Variants in TANC1 observed in about 807,000 individuals in gnomAD.
The protein encoded by TANC1 is protein TANC1.
A neutral mutation model predicts 149.7 loss-of-function variants in TANC1; 77 were observed. That is an observed-to-expected ratio of 0.51 (90% CI 0.43 to 0.62). The LOEUF (loss-of-function observed/expected upper bound fraction) is 0.62. Among genes scored for constraint, TANC1 ranks in the 20% least tolerant of loss-of-function variants. TANC1 has a pLI of 0.00. For synonymous variants in TANC1, 854 were observed against 925.0 expected (o/e 0.92, Z 1.39); for missense variants, 1,985 against 2,321.8 (o/e 0.85, Z 2.98).
intron 13 of TANC1, among the ~76,000 whole-genome samples, chr2:159,176,907 A>ATTTTTTTTT (rs10647127): frequency 4.9e-5 from 5 of 101,982 alleles, no homozygotes; most frequent in East Asian, 6.3e-4. Flanking sequence ...AAGGTGAAAG[A>ATTTTTTTTT]TTTTTTTTTT....
chr2:159,004,592 T>C (rs1051010540), intron 2 of TANC1, among the ~76,000 whole-genome samples: 1 of 152,122 alleles, frequency 6.6e-6, no homozygotes, highest in African/African-American at 2.4e-5. Flanking sequence ...GTTTTTTGTT[T>C]GGGGTATTTT....
At chr2:159,199,337 G>A (rs562241901) in intron 19 of TANC1, among the ~76,000 whole-genome samples, 2 of 152,324 alleles carry the variant, frequency 1.3e-5, no homozygotes, top group African/African-American at 4.8e-5. Context: ...TAACTAAGGT[G>A]TTGTTTTCTG....
chr2:159,186,225 T>G (rs1245333849), intron 15 of TANC1, among the ~76,000 whole-genome samples: 2 of 152,218 alleles, frequency 1.3e-5, no homozygotes, highest in African/African-American at 4.8e-5. Flanking sequence ...TCCTTATTAT[T>G]GATTTGTTCG....
intron 2 of TANC1, among the ~76,000 whole-genome samples, chr2:159,044,895 G>A (rs1458148120): frequency 6.6e-6 from 1 of 152,212 alleles, no homozygotes; most frequent in African/African-American, 2.4e-5. Context: ...TCTGCATTCA[G>A]TTCTCCTGCC....
chr2:159,200,585 A>G lies in TANC1; in HGVS notation c.3244+1532A>G, dbSNP rs567652956. The stretch of plus-strand genomic sequence containing the variant: ...GCTTTGTTTGAGCTCTCTTCTCTCA[A>G]TGACCAGTCCTGAATTGCATTATCA... On this transcript the variant is annotated intron_variant, in intron 19 of 26. Coordinates refer to ENST00000263635, the MANE Select transcript of TANC1 (RefSeq NM_033394.3). Among the ~76,000 whole-genome samples the G allele has an allele frequency of 7.2e-5, 11 of 152,338 alleles. No homozygotes were observed. In the South Asian group the frequency reaches 2.1e-3, roughly 29 times the overall value.
Position 159,185,774 on chromosome 2 carries a change from TG to T in TANC1, c.2511-16del. The T allele has an allele frequency of 6.3e-7, 1 of 1,599,650 alleles. No individual in the cohort carries two copies. The highest frequency in any genetic ancestry group is 8.6e-7 in the Non-Finnish European group (1 of 1,168,252). ...AATGGGCTCTTCTGCTGTGAGCCTT[TG>T]TATTCCTTCCCCTAGGAACGGGCAC... is the stretch of plus-strand genomic sequence containing the variant. On this transcript the variant is annotated splice_polypyrimidine_tract_variant and intron_variant, in intron 14 of 26. Transcript: ENST00000263635.
intron 3 of TANC1, among the ~76,000 whole-genome samples, chr2:159,089,669 C>T (rs894005259): frequency 1.3e-5 from 2 of 152,226 alleles, no homozygotes; most frequent in African/African-American, 2.4e-5. Context: ...CCACCAACAG[C>T]AGAGATGACC....
chr2:159,126,838 G>A (rs867998542), intron 4 of TANC1, among the ~76,000 whole-genome samples: 2 of 152,214 alleles, frequency 1.3e-5, no homozygotes, highest in African/African-American at 2.4e-5. Context: ...AGTCATGTCT[G>A]TGGTTCTCAC....
At chr2:159,058,907 G>A (rs753520247) in intron 2 of TANC1, among the ~76,000 whole-genome samples, 21 of 152,314 alleles carry the variant, frequency 1.4e-4, no homozygotes, top group Non-Finnish European at 2.4e-4. Context: ...TAGGTGGAAG[G>A]TGATTTCACC....
In TANC1 at chr2:159,149,130, T is replaced by C. The variant is rs758373323; in HGVS notation, c.365-12T>C. 4 of 1,567,700 alleles carry C rather than the reference T, an allele frequency of 2.6e-6. No individual in the cohort carries two copies. The South Asian group carries it at 4.8e-5, about 19-fold the overall frequency. On this transcript the variant is annotated splice_polypyrimidine_tract_variant and intron_variant, in intron 5 of 26. Coordinates refer to ENST00000263635, the MANE Select transcript of TANC1 (RefSeq NM_033394.3). The stretch of plus-strand genomic sequence containing the variant: ...AGAGGGGCATCTTCATTGTTTTCTT[T>C]CTTTGTTCCAGAAGCAAAGGCCGAT...
In TANC1 at chr2:158,974,074, C is replaced by A. The variant is rs75956879; in HGVS notation, c.-126+5292C>A. Among the ~76,000 whole-genome samples the A allele has an allele frequency of 3.7e-3, 568 of 152,260 alleles. 6 individuals carry two copies. Among genetic ancestry groups the A allele is most frequent in the African/African-American group, 0.012 (515 of 41,552 alleles). On this transcript the variant is annotated intron_variant, in intron 1 of 26. Transcript: ENST00000263635. ...AGTCTGTGGATGAAACAGTTTGGTT[C>A]TTTCTTCTCCTGTTGTCCTACATAC...
chr2:159,180,618 C>G (rs1346175914), intron 14 of TANC1, among the ~76,000 whole-genome samples: 1 of 152,154 alleles, frequency 6.6e-6, no homozygotes, highest in Non-Finnish European at 1.5e-5. Context: ...AGAGAGGTAC[C>G]AAGGGTGCAG....
intron 4 of TANC1, 145 bp from the exon 5 acceptor site, chr2:159,136,049 T>TGTGC (rs758453978): frequency 7.9e-4 from 72 of 91,582 alleles, no homozygotes; most frequent in African/African-American, 5.5e-3. Flanking sequence ...TGTGTGTGTG[T>TGTGC]GCGCGCGCGC....
intron 2 of TANC1, among the ~76,000 whole-genome samples, chr2:159,016,029 T>C (rs2038233620): frequency 6.6e-6 from 1 of 152,188 alleles, no homozygotes; most frequent in South Asian, 2.1e-4. Flanking sequence ...ACCTTTTCAG[T>C]AGCACCCCAC....
At chr2:159,159,419 A>C (rs2053771336) in intron 7 of TANC1, among the ~76,000 whole-genome samples, 2 of 150,916 alleles carry the variant, frequency 1.3e-5, no homozygotes, top group Non-Finnish European at 3.0e-5. Flanking sequence ...CAGCCTGGGC[A>C]AGAGAGTGAG....
Position 159,150,553 on chromosome 2 carries a change from A to G in TANC1, c.679A>G (p.Ile227Val). 6.2e-7 allele frequency: 1 copy of G among 1,611,718 alleles called. No individual in the cohort carries two copies. Among genetic ancestry groups the G allele is most frequent in the South Asian group, 1.1e-5 (1 of 91,028 alleles). Residue 227 changes from isoleucine to valine, a missense_variant, in exon 7 of 27, where the codon ATA (isoleucine) becomes GTA (valine). Transcript: ENST00000263635. ...STLESKDSGI[I>V]ATITSSSEND... ...CCTGGAAAGCAAGGACAGTGGAATT[A>G]TAGGTAAGAAGCACACTGCTCGGTA... is the stretch of plus-strand genomic sequence containing the variant.
At position 158,996,450 on chromosome 2, in the gene TANC1, C is replaced by G. The variant is rs537334723; in HGVS notation, c.-125-4630C>G. Among the ~76,000 whole-genome samples, 4 of 152,346 alleles carry G rather than the reference C, an allele frequency of 2.6e-5. No individual in the cohort carries two copies. In the East Asian group the frequency reaches 7.7e-4, roughly 29 times the overall value. On this transcript the variant is annotated intron_variant, in intron 1 of 26. Coordinates refer to ENST00000263635, the MANE Select transcript of TANC1 (RefSeq NM_033394.3). ...AAATGCCATACTTTTTGCTGTATAA[C>G]TTGATATTTTTGTACACACGCAGTG...
At chr2:159,142,891 T>C (rs2884083) in intron 5 of TANC1, among the ~76,000 whole-genome samples, 149,463 of 151,840 alleles carry the variant, frequency 0.98, 73,601 homozygotes, top group East Asian at 1. Context: ...TGGTGAAACC[T>C]TGTCTCTACT....
At chr2:159,165,548 G>A (rs552620974) in intron 8 of TANC1, among the ~76,000 whole-genome samples, 2 of 152,306 alleles carry the variant, frequency 1.3e-5, no homozygotes, top group South Asian at 4.1e-4. Flanking sequence ...TTGAATCTCA[G>A]TTAAGAGGAA....
Sources: gnomAD v4.1 joint callset for allele counts (sites outside exome capture counted in the v4.1 genomes callset) on GRCh38, gnomAD v4.1.1 for gene constraint, MANE v1.5 for transcripts, NCBI Gene and HGNC (gene_info 2026-07-23, HGNC 2026-07-21) for gene names.